IGSF11: variants seen among roughly 807,000 people sequenced by gnomAD.
IGSF11 encodes CXADR like 1.
A neutral mutation model predicts 41.0 loss-of-function variants in IGSF11; 22 were observed. The observed-to-expected ratio is 0.54, with a 90% CI of 0.38 to 0.77. The LOEUF is 0.77. Ranked by LOEUF, IGSF11 falls within the 30% of genes least tolerant of loss-of-function variation. IGSF11 has a pLI of 0.00. For missense variants in IGSF11, 444 were observed against 530.8 expected, an observed-to-expected ratio of 0.84 and a Z score of 1.61; for synonymous variants, 219 against 201.3, an observed-to-expected ratio of 1.09 and a Z score of -0.74.
At chr3:119,045,185 G>A (rs1255839799) in intron 1 of IGSF11, among the ~76,000 whole-genome samples, 12 of 152,242 alleles carry the variant, frequency 7.9e-5, no homozygotes, top group African/African-American at 1.9e-4. Context: ...AGCTCCCAGC[G>A]TGAGCGACAC....
intron 6 of IGSF11, 22 bp from the exon 7 acceptor site, chr3:118,902,983 C>A: frequency 6.2e-7 from 1 of 1,603,450 alleles, no homozygotes; most frequent in South Asian, 1.1e-5. Context: ...AAAATAAAGT[C>A]GTTGTTAGGA....
At chr3:118,986,035 A>G (rs140764725) in intron 1 of IGSF11, among the ~76,000 whole-genome samples, 11 of 152,306 alleles carry the variant, frequency 7.2e-5, no homozygotes, top group Non-Finnish European at 1.2e-4. Flanking sequence ...CCATGTCACA[A>G]ACTGCAATTA....
chr3:119,145,865 A>C, exon 1 of IGSF11: 2 of 265,594 alleles, frequency 7.5e-6, no homozygotes, highest in Admixed American at 5.0e-5. Context: ...TGAACAAGGA[A>C]GAGGGTAACA....
At chr3:119,058,537 T>C (rs1290004444) in intron 1 of IGSF11, among the ~76,000 whole-genome samples, 1 of 152,178 alleles carries the variant, frequency 6.6e-6, no homozygotes, top group African/African-American at 2.4e-5. Context: ...GACTGTAAAC[T>C]AGTTCAACCA....
intron 1 of IGSF11, among the ~76,000 whole-genome samples, chr3:119,123,684 T>A (rs1038441732): frequency 6.6e-6 from 1 of 152,096 alleles, no homozygotes; most frequent in African/African-American, 2.4e-5. Flanking sequence ...GACTGTTTAT[T>A]TCAGAGAAAG....
intron 1 of IGSF11, among the ~76,000 whole-genome samples, chr3:119,114,011 C>T (rs2077221815): frequency 6.6e-6 from 1 of 152,262 alleles, no homozygotes; most frequent in South Asian, 2.1e-4. Context: ...CTTTTAGCTA[C>T]AGCTGGAGCT....
intron 1 of IGSF11, among the ~76,000 whole-genome samples, chr3:119,095,234 C>G (rs1050416006): frequency 1.3e-5 from 2 of 152,140 alleles, no homozygotes; most frequent in African/African-American, 4.8e-5. Context: ...TTAATACCCT[C>G]TCCACACTAA....
chr3:118,930,306 C>T (rs1274389961), intron 1 of IGSF11, 31 bp from the exon 2 acceptor site: 1 of 1,586,780 alleles, frequency 6.3e-7, no homozygotes, highest in South Asian at 1.2e-5. Flanking sequence ...AGGTTATATG[C>T]TCGCCCTTTC....
At chr3:118,968,320 CTCT>C (rs1932945735) in intron 1 of IGSF11, among the ~76,000 whole-genome samples, 1 of 152,136 alleles carries the variant, frequency 6.6e-6, no homozygotes, top group Non-Finnish European at 1.5e-5. Flanking sequence ...TTTCCTAGGT[CTCT>C]TGCCTGCTTT....
chr3:119,130,717 A>C (rs976050501), intron 1 of IGSF11, among the ~76,000 whole-genome samples: 1 of 152,206 alleles, frequency 6.6e-6, no homozygotes, highest in African/African-American at 2.4e-5. Flanking sequence ...TTCTCCAGAC[A>C]GACTGCCTCC....
chr3:119,125,151 G>C (rs2077385878), intron 1 of IGSF11, among the ~76,000 whole-genome samples: 1 of 152,210 alleles, frequency 6.6e-6, no homozygotes, highest in Non-Finnish European at 1.5e-5. Context: ...GGTTCTATAA[G>C]AAATTCTAAT....
At chr3:119,113,541 C>T (rs759457983) in intron 1 of IGSF11, among the ~76,000 whole-genome samples, 14 of 152,224 alleles carry the variant, frequency 9.2e-5, no homozygotes, top group Non-Finnish European at 2.1e-4. Context: ...CATGTTGATG[C>T]AACAGGTGGG....
rs1938925813 is a variant in IGSF11, at chr3:118,902,023, T to C, written c.*497A>G. 1 of 153,372 alleles carries C rather than the reference T, an allele frequency of 6.5e-6. No individual in the cohort carries two copies. The highest frequency in any genetic ancestry group is 1.5e-5 in the Non-Finnish European group (1 of 68,890). The allele number at this position is 153,372 out of a possible 1,614,324, so 9.5% of individuals were successfully genotyped here. A position where few individuals can be genotyped will look rare whatever the true frequency, so the allele number is the denominator to read the frequency against. On this transcript the variant is annotated 3_prime_UTR_variant, in exon 7 of 7. Coordinates refer to ENST00000393775, the MANE Select transcript of IGSF11 (RefSeq NM_001015887.3). ...TATATGATAGAAGAGTCAGCCCTGT[T>C]GGGACCAATATTAACCATTTATACC...
chr3:119,061,698 C>T (rs926976387), intron 1 of IGSF11, among the ~76,000 whole-genome samples: 7 of 152,048 alleles, frequency 4.6e-5, no homozygotes, highest in South Asian at 2.1e-4. Context: ...TATACTTTCA[C>T]GGGAACCCAA....
chr3:119,113,957 A>C (rs2077220702), intron 1 of IGSF11, among the ~76,000 whole-genome samples: 2 of 152,254 alleles, frequency 1.3e-5, no homozygotes, highest in Admixed American at 6.5e-5. Context: ...CAAGGCTTAC[A>C]GATTGCATCC....
In IGSF11 at chr3:118,902,625, C is replaced by T. The variant is rs1396376661; in HGVS notation, c.1191G>A (p.Arg397=). The T allele has an allele frequency of 1.2e-6, 2 of 1,613,934 alleles. No homozygotes were observed. The highest frequency in any genetic ancestry group is 1.1e-5 in the South Asian group (1 of 91,088). ...TGGTGTAGGAATGAGTGTGTGGAGG[C>T]CGAGGCTTCCTACTGACTGAGCCAT... ...RSNGSVSRKP[R]PPHTHSYTIS... Residue 397 remains arginine, a synonymous_variant, in exon 7 of 7, where the codon CGG becomes CGA. Transcript: ENST00000393775.
chr3:119,088,495 T>C (rs1469220569), intron 1 of IGSF11, among the ~76,000 whole-genome samples: 1 of 151,984 alleles, frequency 6.6e-6, no homozygotes, highest in Non-Finnish European at 1.5e-5. Flanking sequence ...ATATTAACAA[T>C]CTAACTTTGT....
intron 1 of IGSF11, among the ~76,000 whole-genome samples, chr3:118,935,307 T>C (rs926282096): frequency 7.0e-6 from 1 of 141,864 alleles, no homozygotes. Context: ...TATACATATA[T>C]ATATATATAT....
At chr3:119,013,468 A>G (rs773144779) in intron 1 of IGSF11, among the ~76,000 whole-genome samples, 1 of 152,232 alleles carries the variant, frequency 6.6e-6, no homozygotes, top group Non-Finnish European at 1.5e-5. Context: ...CTTAACTGTA[A>G]CAAAGAGAAG....
Sources: allele counts gnomAD v4.1 joint callset (sites outside exome capture counted in the v4.1 genomes callset), GRCh38; gene constraint gnomAD v4.1.1; transcripts MANE v1.5; gene names NCBI Gene and HGNC (gene_info 2026-07-23, HGNC 2026-07-21).